Variants in SYN2 observed in about 807,000 individuals in gnomAD.
SYN2 encodes synapsin II.
Under a neutral mutation model 50.9 loss-of-function variants are expected in SYN2, and 19 were observed. That is an observed-to-expected ratio of 0.37 (90% CI 0.26 to 0.55). The LOEUF is 0.55. Among genes scored for constraint, SYN2 ranks in the 20% least tolerant of loss-of-function variants. SYN2 has a pLI of 0.81. For synonymous variants in SYN2, 255 were observed against 224.9 expected, an observed-to-expected ratio of 1.13 and a Z score of -1.20; for missense variants, 587 against 576.4, an observed-to-expected ratio of 1.02 and a Z score of -0.19.
intron 1 of SYN2, among the ~76,000 whole-genome samples, chr3:12,075,532 T>C (rs935156709): frequency 1.3e-5 from 2 of 152,130 alleles, no homozygotes; most frequent in African/African-American, 2.4e-5. Context: ...AAGAATGAAA[T>C]AACCTGCAGT....
intron 1 of SYN2, among the ~76,000 whole-genome samples, chr3:12,036,045 T>G (rs1363641467): frequency 1.3e-5 from 2 of 152,244 alleles, no homozygotes; most frequent in Non-Finnish European, 2.9e-5. Context: ...TCTTTGGTTT[T>G]TAAAGCCAGC....
In SYN2 at chr3:12,076,333, G is replaced by A. The variant is rs1695466839; in HGVS notation, c.378-64318G>A. Among the ~76,000 whole-genome samples the A allele has an allele frequency of 2.0e-5, 3 of 151,890 alleles. No homozygotes were observed. In the South Asian group the frequency reaches 6.2e-4, roughly 31 times the overall value. On this transcript the variant is annotated intron_variant, in intron 1 of 12. Transcript: ENST00000621198. ...TCCCTGTGAGCCATGAAAATGTTAG[G>A]CAAAATCTTGTTTTAGTACATAAAG... is the stretch of plus-strand genomic sequence containing the variant.
chr3:12,063,035 C>T (rs889930109), intron 1 of SYN2, among the ~76,000 whole-genome samples: 5 of 151,352 alleles, frequency 3.3e-5, no homozygotes, highest in Non-Finnish European at 7.4e-5. Context: ...AAAGGCAAAA[C>T]TATAGTAACA....
chr3:12,108,312 GA>G (rs1696242170), intron 1 of SYN2, among the ~76,000 whole-genome samples: 1 of 152,234 alleles, frequency 6.6e-6, no homozygotes, highest in African/African-American at 2.4e-5. Flanking sequence ...CTTGGGGATT[GA>G]AGAGTTGCCC....
rs1374759584 is a variant in SYN2, at chr3:12,136,545, T to C, written c.378-4106T>C. 3.7e-4 allele frequency among the ~76,000 whole-genome samples: 57 copies of C among 152,352 alleles called. No homozygotes were observed. In the South Asian group the frequency reaches 9.1e-3, roughly 24 times the overall value. Reference sequence around the variant, plus strand: ...TCCAATGCATAAAAGAGGGCGTATTTAAGCTAGGCTTGCCTGGGTTGGGCC... The same window carrying C: ...TCCAATGCATAAAAGAGGGCGTATTCAAGCTAGGCTTGCCTGGGTTGGGCC... On this transcript the variant is annotated intron_variant, in intron 1 of 12. Coordinates refer to ENST00000621198, the MANE Select transcript of SYN2 (RefSeq NM_133625.6).
At chr3:12,181,225 G>T (rs954409070) in intron 10 of SYN2, among the ~76,000 whole-genome samples, 1 of 152,232 alleles carries the variant, frequency 6.6e-6, no homozygotes, top group East Asian at 1.9e-4. Flanking sequence ...TCTCTGGGAG[G>T]AGAACATCGT....
At chr3:12,063,948 T>C (rs1243354584) in intron 1 of SYN2, among the ~76,000 whole-genome samples, 1 of 151,892 alleles carries the variant, frequency 6.6e-6, no homozygotes, top group African/African-American at 2.4e-5. Context: ...GAGCTGTGCA[T>C]AGTGCCATCC....
At chr3:12,184,473 A>C (rs1698297956) in intron 11 of SYN2, 1 of 985,892 alleles carries the variant, frequency 1.0e-6, no homozygotes. Context: ...GCCTCTCCTG[A>C]GGCCTCATAA....
chr3:12,042,903 G>A (rs987405885), intron 1 of SYN2, among the ~76,000 whole-genome samples: 1 of 152,150 alleles, frequency 6.6e-6, no homozygotes, highest in East Asian at 1.9e-4. Flanking sequence ...GGCAAGGATT[G>A]GATGGGCCCT....
intron 5 of SYN2, among the ~76,000 whole-genome samples, chr3:12,153,935 C>G (rs1050346246): frequency 2.6e-5 from 4 of 152,194 alleles, no homozygotes; most frequent in African/African-American, 9.7e-5. Flanking sequence ...TCTGAGGGTC[C>G]TTACTCTACC....
rs571000625 is a variant in SYN2 at position 12,171,914 on chromosome 3, A to ATTAAGTGTTGTAGC, written c.1308+2013_1308+2026dup. The stretch of plus-strand genomic sequence containing the variant: ...GGTATAAGCCCCTTATTTTATAAAC[A>ATTAAGTGTTGTAGC]TTAAGTGTTGTAGCTTAAACATTTT... On this transcript the variant is annotated intron_variant, in intron 10 of 12. Coordinates refer to ENST00000621198, the MANE Select transcript of SYN2 (RefSeq NM_133625.6). Among the ~76,000 whole-genome samples, 16 of 152,364 alleles carry ATTAAGTGTTGTAGC rather than the reference A, an allele frequency of 1.1e-4. No homozygotes were observed. In the East Asian group the frequency reaches 2.9e-3, roughly 28 times the overall value.
At chr3:12,051,591 G>A (rs532626433) in intron 1 of SYN2, among the ~76,000 whole-genome samples, 7 of 152,234 alleles carry the variant, frequency 4.6e-5, no homozygotes, top group Non-Finnish European at 7.4e-5. Flanking sequence ...ATAGTCTGCC[G>A]CCTTCATTTT....
chr3:12,073,419 T>A (rs1366840338), intron 1 of SYN2, among the ~76,000 whole-genome samples: 1 of 152,180 alleles, frequency 6.6e-6, no homozygotes, highest in Admixed American at 6.5e-5. Flanking sequence ...TAAACCAGGC[T>A]GCTTTTTCCC....
At chr3:12,126,473 C>T (rs900458118) in intron 1 of SYN2, among the ~76,000 whole-genome samples, 3 of 152,234 alleles carry the variant, frequency 2.0e-5, no homozygotes, top group Non-Finnish European at 2.9e-5. Flanking sequence ...TTAATTTCTA[C>T]ACTGTCAGAC....
At chr3:12,069,201 A>G (rs370551061) in intron 1 of SYN2, among the ~76,000 whole-genome samples, 38 of 149,952 alleles carry the variant, frequency 2.5e-4, no homozygotes, top group African/African-American at 7.8e-4. Flanking sequence ...TTTTGGCCGT[A>G]TGAATAACGC....
At chr3:12,065,830 C>A (rs1695204871) in intron 1 of SYN2, among the ~76,000 whole-genome samples, 2 of 152,178 alleles carry the variant, frequency 1.3e-5, no homozygotes, top group Non-Finnish European at 1.5e-5. Context: ...AACAAACCTG[C>A]ACATGTACTC....
At chr3:12,107,371 G>A (rs1333825377) in intron 1 of SYN2, among the ~76,000 whole-genome samples, 1 of 152,298 alleles carries the variant, frequency 6.6e-6, no homozygotes, top group East Asian at 1.9e-4. Flanking sequence ...CTGTAGTTAT[G>A]AGTGATGGAT....
intron 4 of SYN2, 138 bp downstream of exon 4, chr3:12,145,973 C>A (rs1574965723): frequency 4.9e-6 from 6 of 1,236,900 alleles, no homozygotes; most frequent in Non-Finnish European, 6.8e-6. Context: ...TAGGAGGGTC[C>A]TCAAGATGCA....
chr3:12,112,512 C>T (rs1014806678), intron 1 of SYN2, among the ~76,000 whole-genome samples: 6 of 152,074 alleles, frequency 3.9e-5, no homozygotes, highest in Admixed American at 3.3e-4. Context: ...AGTTACAAGT[C>T]TGTTAACCCA....
Sources: allele counts gnomAD v4.1 joint callset (sites outside exome capture counted in the v4.1 genomes callset), GRCh38; gene constraint gnomAD v4.1.1; transcripts MANE v1.5; gene names NCBI Gene and HGNC (gene_info 2026-07-23, HGNC 2026-07-21).